ERBB4: variants seen among roughly 807,000 people sequenced by gnomAD.
The protein encoded by ERBB4 is receptor tyrosine-protein kinase erbB-4.
In ERBB4, 42 loss-of-function variants were observed where a neutral mutation model predicts 158.0. The observed-to-expected ratio is 0.27, with a 90% CI of 0.21 to 0.34. The LOEUF (loss-of-function observed/expected upper bound fraction) is 0.34. Ranked by LOEUF, ERBB4 falls within the 10% of genes least tolerant of loss-of-function variation. ERBB4 has a pLI of 1.00. For synonymous variants in ERBB4, 583 were observed against 558.7 expected, an observed-to-expected ratio of 1.04 and a Z score of -0.61; for missense variants, 1,333 against 1,624.1, an observed-to-expected ratio of 0.82 and a Z score of 3.08.
At chr2:211,483,935 AATCTGT>A (rs2065143898) in intron 20 of ERBB4, among the ~76,000 whole-genome samples, 1 of 152,218 alleles carries the variant, frequency 6.6e-6, no homozygotes, top group Non-Finnish European at 1.5e-5. Flanking sequence ...AGAAAAAAAT[AATCTGT>A]CTATCTGAAA....
At chr2:212,224,116 A>G (rs1303805841) in intron 1 of ERBB4, among the ~76,000 whole-genome samples, 1 of 151,932 alleles carries the variant, frequency 6.6e-6, no homozygotes, top group Non-Finnish European at 1.5e-5. Context: ...GTTTATTCTC[A>G]TACAATTAAA....
intron 2 of ERBB4, among the ~76,000 whole-genome samples, chr2:212,104,106 G>T (rs2079158265): frequency 6.6e-6 from 1 of 151,944 alleles, no homozygotes; most frequent in Admixed American, 6.6e-5. Flanking sequence ...ACAGATTTGT[G>T]GATTTTTTTA....
At chr2:212,316,750 A>G (rs2087299909) in intron 1 of ERBB4, among the ~76,000 whole-genome samples, 1 of 151,508 alleles carries the variant, frequency 6.6e-6, no homozygotes, top group Non-Finnish European at 1.5e-5. Context: ...TGGTTAAAAA[A>G]CACTTGCTTG....
At chr2:211,934,077 C>A (rs1316906263) in intron 3 of ERBB4, among the ~76,000 whole-genome samples, 1 of 151,966 alleles carries the variant, frequency 6.6e-6, no homozygotes, top group Non-Finnish European at 1.5e-5. Flanking sequence ...TCTCCTCCAT[C>A]TTTTTATCAA....
intron 4 of ERBB4, among the ~76,000 whole-genome samples, chr2:211,780,769 T>C (rs2076013986): frequency 6.6e-6 from 1 of 151,482 alleles, no homozygotes; most frequent in Non-Finnish European, 1.5e-5. Context: ...TTAAGTTCTT[T>C]TGTTTTTTGT....
chr2:211,944,206 A>ATATATATATATATATATATATAG (rs371912701), intron 3 of ERBB4, among the ~76,000 whole-genome samples: 23 of 104,040 alleles, frequency 2.2e-4, no homozygotes, highest in East Asian at 8.1e-4. Flanking sequence ...TATACTATAT[A>ATATATATATATATATATATATAG]TATATATACA....
chr2:211,956,413 G>C (rs1465217635), intron 2 of ERBB4, among the ~76,000 whole-genome samples: 3 of 152,068 alleles, frequency 2.0e-5, no homozygotes, highest in Non-Finnish European at 4.4e-5. Context: ...TTGTCCATAT[G>C]ATGATGAGTA....
At chr2:212,391,260 T>A (rs905234161) in intron 1 of ERBB4, among the ~76,000 whole-genome samples, 4 of 151,708 alleles carry the variant, frequency 2.6e-5, no homozygotes, top group Admixed American at 6.6e-5. Context: ...ATAATAAGTT[T>A]TATGAAATTC....
intron 20 of ERBB4, among the ~76,000 whole-genome samples, chr2:211,548,968 T>G (rs1236421816): frequency 6.6e-6 from 1 of 152,124 alleles, no homozygotes; most frequent in Non-Finnish European, 1.5e-5. Flanking sequence ...TTTTAAAGAT[T>G]CACCAGTTCC....
intron 1 of ERBB4, among the ~76,000 whole-genome samples, chr2:212,429,475 A>T (rs1366609289): frequency 6.6e-6 from 1 of 152,190 alleles, no homozygotes; most frequent in Non-Finnish European, 1.5e-5. Flanking sequence ...ATATCAAAGG[A>T]GGAGGCTGTC....
At chr2:211,887,283 TGAGA>T (rs940768173) in intron 3 of ERBB4, among the ~76,000 whole-genome samples, 3 of 133,470 alleles carry the variant, frequency 2.2e-5, no homozygotes, top group African/African-American at 8.5e-5. Context: ...CACACACAGG[TGAGA>T]GAAACAACAG....
intron 20 of ERBB4, among the ~76,000 whole-genome samples, chr2:211,440,268 G>A (rs1678677886): frequency 6.6e-6 from 1 of 152,130 alleles, no homozygotes; most frequent in South Asian, 2.1e-4. Context: ...TACTTAAAGT[G>A]CATTACTTCT....
chr2:211,714,639 T>C (rs920339197), intron 7 of ERBB4, among the ~76,000 whole-genome samples: 5 of 152,212 alleles, frequency 3.3e-5, no homozygotes, highest in Admixed American at 2.0e-4. Context: ...ATGCCACCTG[T>C]AGCACAGGAT....
At chr2:212,487,459 T>C (rs919568133) in intron 1 of ERBB4, among the ~76,000 whole-genome samples, 5 of 151,624 alleles carry the variant, frequency 3.3e-5, no homozygotes, top group African/African-American at 9.7e-5. Context: ...GTGCGACAAA[T>C]AAAAAATTAA....
intron 2 of ERBB4, among the ~76,000 whole-genome samples, chr2:212,109,172 T>C (rs1270805905): frequency 6.6e-6 from 1 of 152,178 alleles, no homozygotes; most frequent in Admixed American, 6.6e-5. Context: ...TTTAATTTTG[T>C]CTTTTATTTT....
rs532175674 is a variant in ERBB4, at chr2:212,080,493, C to T, written c.234+44259G>A. ...TAATGGTTATTCAGTCTCATGCTTA[C>T]CATCCATTACGAATGTGTTTCTAGT... On this transcript the variant is annotated intron_variant, in intron 2 of 27. Transcript: ENST00000342788. Among the ~76,000 whole-genome samples, 10 of 151,372 alleles carry T rather than the reference C, an allele frequency of 6.6e-5. No individual in the cohort carries two copies. The South Asian group carries it at 8.4e-4, about 13-fold the overall frequency.
chr2:212,159,248 C>G (rs1575722786), intron 1 of ERBB4, among the ~76,000 whole-genome samples: 1 of 142,402 alleles, frequency 7.0e-6, no homozygotes, highest in East Asian at 2.0e-4. Flanking sequence ...GGTAGTAAAC[C>G]GTGGTGTGTG....
intron 7 of ERBB4, among the ~76,000 whole-genome samples, chr2:211,714,543 T>C (rs1304764861): frequency 1.3e-5 from 2 of 152,182 alleles, no homozygotes. Flanking sequence ...TGGAAGCATC[T>C]ATAGTGGGAA....
intron 1 of ERBB4, among the ~76,000 whole-genome samples, chr2:212,220,712 G>A (rs545542603): frequency 6.6e-6 from 1 of 151,270 alleles, no homozygotes; most frequent in Non-Finnish European, 1.5e-5. Flanking sequence ...TTCAATTAAG[G>A]CTTTCTTATC....
Sources: gnomAD v4.1 joint callset for allele counts (sites outside exome capture counted in the v4.1 genomes callset) on GRCh38, gnomAD v4.1.1 for gene constraint, MANE v1.5 for transcripts, NCBI Gene and HGNC (gene_info 2026-07-23, HGNC 2026-07-21) for gene names.